Variants in INSR observed in about 807,000 individuals in gnomAD.
INSR encodes the protein IR.
A neutral mutation model predicts 142.6 loss-of-function variants in INSR; 67 were observed. That is an observed-to-expected ratio of 0.47 (90% CI 0.39 to 0.58). INSR has a LOEUF of 0.58. Among genes scored for constraint, INSR ranks in the 20% least tolerant of loss-of-function variants. The pLI is 0.00. For missense variants in INSR, 1,248 were observed against 1,833.2 expected, an observed-to-expected ratio of 0.68 and a Z score of 5.83; for synonymous variants, 756 against 743.1, an observed-to-expected ratio of 1.02 and a Z score of -0.28.
chr19:7,283,275 G>C (rs943072926), intron 1 of INSR, among the ~76,000 whole-genome samples: 36 of 152,268 alleles, frequency 2.4e-4, no homozygotes, highest in African/African-American at 8.7e-4. Context: ...TTGGCAGAGG[G>C]CAGGGATTCC....
chr19:7,221,871 A>G (rs1185221295), intron 2 of INSR, among the ~76,000 whole-genome samples: 1 of 151,966 alleles, frequency 6.6e-6, no homozygotes, highest in Non-Finnish European at 1.5e-5. Flanking sequence ...TCAGAGTAAC[A>G]CCCATCTGGC....
intron 13 of INSR, among the ~76,000 whole-genome samples, chr19:7,138,733 T>A (rs1374835619): frequency 6.6e-6 from 1 of 152,174 alleles, no homozygotes; most frequent in Non-Finnish European, 1.5e-5. Context: ...GTCTTCCATG[T>A]GTCCATTCTC....
At chr19:7,217,958 G>T (rs1242267386) in intron 2 of INSR, among the ~76,000 whole-genome samples, 1 of 152,202 alleles carries the variant, frequency 6.6e-6, no homozygotes, top group Non-Finnish European at 1.5e-5. Context: ...AATTCCCCAG[G>T]AATGGAACAG....
intron 2 of INSR, among the ~76,000 whole-genome samples, chr19:7,191,829 TAAAAA>T (rs1974596007): frequency 6.7e-6 from 1 of 149,808 alleles, no homozygotes; most frequent in African/African-American, 2.5e-5. Flanking sequence ...ACCCTATCTT[TAAAAA>T]GAAGAGAGAG....
intron 11 of INSR, among the ~76,000 whole-genome samples, chr19:7,144,017 T>C (rs1236888464): frequency 1.3e-5 from 2 of 149,356 alleles, no homozygotes; most frequent in African/African-American, 2.5e-5. Context: ...ATCGTGTCAC[T>C]GCACTCCAGC....
rs532167876 is a variant in INSR, at chr19:7,233,883, C to T, written c.652+33462G>A. On this transcript the variant is annotated intron_variant, in intron 2 of 21. Transcript: ENST00000302850. ...AGTAGAGACAGGGTTTCACCATGTTCGCCAGGATGGTCTCGATCTCCTGAT... is the reference window on the plus strand; with the variant it reads ...AGTAGAGACAGGGTTTCACCATGTTTGCCAGGATGGTCTCGATCTCCTGAT... Among the ~76,000 whole-genome samples, 10 of 150,950 alleles carry T rather than the reference C, an allele frequency of 6.6e-5. No homozygotes were observed. In the East Asian group the frequency reaches 2.0e-3, roughly 30 times the overall value.
intron 2 of INSR, among the ~76,000 whole-genome samples, chr19:7,254,332 A>G (rs1325285208): frequency 6.6e-6 from 1 of 152,102 alleles, no homozygotes; most frequent in African/African-American, 2.4e-5. Context: ...CCTGGGAAAC[A>G]TAGCAAGACT....
At position 7,122,975 on chromosome 19, in the gene INSR, TC is replaced by T; in HGVS notation, c.3272del (p.Gly1091GlufsTer12). The T allele has an allele frequency of 6.2e-7, 1 of 1,604,012 alleles. No homozygotes were observed. The highest frequency in any genetic ancestry group is 8.5e-7 in the Non-Finnish European group (1 of 1,176,482). ...GCGTGGGCTGGCCCTTGGACACCACTCCCAGGAGGCGCACCTGCAGAGCAAG... is the reference window on the plus strand; with the variant it reads ...GCGTGGGCTGGCCCTTGGACACCACTCCAGGAGGCGCACCTGCAGAGCAAG... Reference protein sequence around the residue: ...FTCHHVVRLLGVVSKGQPTLV... With the variant: ...FTCHHVVRLLXVVSKGQPTLV... On this transcript the variant is annotated frameshift_variant, in exon 18 of 22. Transcript: ENST00000302850. LOFTEE classifies it high-confidence loss of function.
At chr19:7,244,364 C>G (rs1209983115) in intron 2 of INSR, among the ~76,000 whole-genome samples, 4 of 152,036 alleles carry the variant, frequency 2.6e-5, no homozygotes, top group Non-Finnish European at 5.9e-5. Flanking sequence ...GAAACCCCGT[C>G]TCTACTAAAA....
chr19:7,193,519 AC>A (rs1416651816), intron 2 of INSR, among the ~76,000 whole-genome samples: 27 of 151,760 alleles, frequency 1.8e-4, no homozygotes, highest in African/African-American at 5.6e-4. Context: ...TCATAAAAAA[AC>A]AAACAAAAAA....
At chr19:7,172,879 A>AC (rs1974051616) in intron 4 of INSR, among the ~76,000 whole-genome samples, 1 of 4,290 alleles carries the variant, frequency 2.3e-4, no homozygotes, top group African/African-American at 4.7e-3. Flanking sequence ...CTAAAACTAC[A>AC]AAAAAAAAAA....
In INSR at chr19:7,114,919, T is replaced by A. The variant is rs1185927004; in HGVS notation, c.*2137A>T. 1 of 151,564 alleles carries A rather than the reference T, an allele frequency of 6.6e-6. No individual in the cohort carries two copies. The highest frequency in any genetic ancestry group is 1.9e-4 in the East Asian group (1 of 5,184). 9.4% of individuals were successfully genotyped at this position (151,564 alleles called of 1,614,324 possible). A position where few individuals can be genotyped will look rare whatever the true frequency, so the allele number is the denominator to read the frequency against. ...TACCTAGTTCTACGTGTTTTTTTTT[T>A]AAATTTAGGTACAGACCCTCATATT... On this transcript the variant is annotated 3_prime_UTR_variant, in exon 22 of 22. Transcript: ENST00000302850.
chr19:7,134,542 A>G (rs1972861033), intron 13 of INSR, among the ~76,000 whole-genome samples: 1 of 151,998 alleles, frequency 6.6e-6, no homozygotes, highest in Non-Finnish European at 1.5e-5. Flanking sequence ...CAAGGCGGGC[A>G]GATCACGAGG....
At chr19:7,123,515 TC>T (rs1299040939) in intron 17 of INSR, among the ~76,000 whole-genome samples, 1 of 152,032 alleles carries the variant, frequency 6.6e-6, no homozygotes, top group Non-Finnish European at 1.5e-5. Flanking sequence ...CCCTGCCACA[TC>T]CACAGGGCCC....
At chr19:7,259,189 C>CTCCT (rs989998993) in intron 2 of INSR, among the ~76,000 whole-genome samples, 2 of 123,090 alleles carry the variant, frequency 1.6e-5, no homozygotes, top group Admixed American at 8.1e-5. Context: ...CCTTCCTTCC[C>CTCCT]TCCTTCCTTC....
intron 12 of INSR, 60 bp from the exon 13 acceptor site, chr19:7,141,876 C>T: frequency 7.1e-7 from 1 of 1,412,194 alleles, no homozygotes; most frequent in Non-Finnish European, 1.0e-6. Context: ...CCACTTCTGC[C>T]ACCTGTCCAT....
chr19:7,219,250 T>A (rs1331873626), intron 2 of INSR, among the ~76,000 whole-genome samples: 2 of 152,172 alleles, frequency 1.3e-5, no homozygotes, highest in East Asian at 3.9e-4. Context: ...TACTCTCTCC[T>A]GACCACAACC....
intron 2 of INSR, among the ~76,000 whole-genome samples, chr19:7,244,222 A>C (rs1346490): frequency 0.41 from 62,357 of 151,964 alleles, 13,142 homozygotes; most frequent in East Asian, 0.71. Context: ...AAGATGAAGA[A>C]AGGACAATAT....
intron 13 of INSR, 130 bp from the exon 14 acceptor site, chr19:7,132,447 G>A (rs1972809655): frequency 4.1e-6 from 4 of 972,706 alleles, no homozygotes; most frequent in Non-Finnish European, 6.3e-6. Context: ...CACAGACTAA[G>A]ACACATAAGC....
Sources: allele counts gnomAD v4.1 joint callset (sites outside exome capture counted in the v4.1 genomes callset), GRCh38; gene constraint gnomAD v4.1.1; transcripts MANE v1.5; gene names NCBI Gene and HGNC (gene_info 2026-07-23, HGNC 2026-07-21).